Variants in KIAA1217 observed in about 807,000 individuals in gnomAD.
The protein encoded by KIAA1217 is sickle tail protein homolog.
A neutral mutation model predicts 163.9 loss-of-function variants in KIAA1217; 88 were observed. The ratio of observed to expected loss-of-function variants is 0.54; its 90% CI spans 0.45 to 0.64. The LOEUF (loss-of-function observed/expected upper bound fraction) is 0.64, where lower values mean the gene tolerates loss of function less well. KIAA1217 is among the 30% of genes least tolerant of loss of function. KIAA1217 has a pLI of 0.00. For synonymous variants in KIAA1217, 903 were observed against 923.1 expected, an observed-to-expected ratio of 0.98 and a Z score of 0.39; for missense variants, 2,372 against 2,475.0, an observed-to-expected ratio of 0.96 and a Z score of 0.88.
chr10:24,083,248 G>A (rs753150128), intron 2 of KIAA1217, among the ~76,000 whole-genome samples: 12 of 152,224 alleles, frequency 7.9e-5, no homozygotes, highest in Non-Finnish European at 1.3e-4. Context: ...TGTTGCTGCT[G>A]TCTTTTGTGC....
chr10:23,846,518 T>C (rs1444140654), intron 1 of KIAA1217, among the ~76,000 whole-genome samples: 2 of 152,184 alleles, frequency 1.3e-5, no homozygotes, highest in Admixed American at 6.6e-5. Context: ...TCACTCATGA[T>C]TTGGCTCTCT....
intron 1 of KIAA1217, among the ~76,000 whole-genome samples, chr10:23,811,197 T>A (rs1321274511): frequency 1.4e-5 from 2 of 142,856 alleles, no homozygotes; most frequent in Non-Finnish European, 3.0e-5. Flanking sequence ...ATACATATAC[T>A]ATGTATATAG....
intron 2 of KIAA1217, among the ~76,000 whole-genome samples, chr10:24,141,598 A>C (rs973950177): frequency 6.6e-6 from 1 of 152,226 alleles, no homozygotes; most frequent in Admixed American, 6.5e-5. Flanking sequence ...CCTAAGCAGC[A>C]TGCATCAGTC....
In KIAA1217 at chr10:23,868,448, A is replaced by T. The variant is rs192112296; in HGVS notation, c.-320-138777A>T. Among the ~76,000 whole-genome samples the T allele has an allele frequency of 1.5e-3, 232 of 152,212 alleles. 2 individuals are homozygous for T. Among genetic ancestry groups the T allele is most frequent in the African/African-American group, 4.1e-3 (171 of 41,554 alleles). ...AAAGACAGGCAAAGAGATTTGCCAG[A>T]ATCTGTCCTTGCCTGTATAGCTCTT... is the stretch of plus-strand genomic sequence containing the variant. On this transcript the variant is annotated intron_variant, in intron 1 of 18. Coordinates refer to the KIAA1217 transcript ENST00000376462.
At chr10:24,055,787 C>T (rs1849851086) in intron 2 of KIAA1217, among the ~76,000 whole-genome samples, 1 of 151,826 alleles carries the variant, frequency 6.6e-6, no homozygotes, top group Admixed American at 6.6e-5. Flanking sequence ...ATACAACACA[C>T]TAGGAAAATC....
intron 5 of KIAA1217, among the ~76,000 whole-genome samples, chr10:24,458,787 G>A (rs2062057176): frequency 6.6e-6 from 1 of 152,146 alleles, no homozygotes; most frequent in Admixed American, 6.6e-5. Context: ...TCTCTTGGCA[G>A]ATTTAATTGA....
chr10:24,471,472 T>G (rs1041443395), intron 5 of KIAA1217, among the ~76,000 whole-genome samples: 59 of 112,444 alleles, frequency 5.2e-4, no homozygotes, highest in African/African-American at 1.8e-3. Context: ...TCCTGAGTTA[T>G]TTTTTTTTTT....
chr10:24,085,776 C>A (rs1384736781), intron 2 of KIAA1217, among the ~76,000 whole-genome samples: 1 of 152,000 alleles, frequency 6.6e-6, no homozygotes, highest in Non-Finnish European at 1.5e-5. Context: ...AGTTTGAGAG[C>A]AGCCTAGGTA....
rs556869172 is a variant in KIAA1217, at chr10:24,461,104, G to A, written c.847-12124G>A. Among the ~76,000 whole-genome samples, 14 of 152,120 alleles carry A rather than the reference G, an allele frequency of 9.2e-5. No homozygotes were observed. In the South Asian group the frequency reaches 1.0e-3, roughly 11 times the overall value. On this transcript the variant is annotated intron_variant, in intron 5 of 20. Coordinates refer to ENST00000376454, the MANE Select transcript of KIAA1217 (RefSeq NM_019590.5). Reference sequence around the variant, plus strand: ...TGTGTTTACCACCATTTTCTCTCACGGGCTCTGAAAACCATCTATCCTTTA... The same window carrying A: ...TGTGTTTACCACCATTTTCTCTCACAGGCTCTGAAAACCATCTATCCTTTA...
chr10:24,010,085 A>G (rs1847174055), intron 2 of KIAA1217, among the ~76,000 whole-genome samples: 2 of 152,024 alleles, frequency 1.3e-5, no homozygotes, highest in African/African-American at 2.4e-5. Flanking sequence ...CTAAAGAAAC[A>G]TTTTCTCAAA....
intron 2 of KIAA1217, among the ~76,000 whole-genome samples, chr10:24,127,899 T>G (rs1384991441): frequency 6.6e-6 from 1 of 152,188 alleles, no homozygotes; most frequent in Non-Finnish European, 1.5e-5. Context: ...GGAAGCAACA[T>G]GTTAGTAATA....
At chr10:24,174,356 C>A (rs2065770313) in intron 2 of KIAA1217, among the ~76,000 whole-genome samples, 1 of 152,228 alleles carries the variant, frequency 6.6e-6, no homozygotes, top group Non-Finnish European at 1.5e-5. Flanking sequence ...CCACACCAAC[C>A]ACACCAGACC....
chr10:24,351,350 C>A (rs1027056739), intron 2 of KIAA1217, among the ~76,000 whole-genome samples: 3 of 152,186 alleles, frequency 2.0e-5, no homozygotes, highest in Admixed American at 2.0e-4. Flanking sequence ...TTCTTCCCTG[C>A]CCTGGGCTTT....
chr10:23,906,247 A>G (rs1842158473), intron 1 of KIAA1217, among the ~76,000 whole-genome samples: 1 of 148,428 alleles, frequency 6.7e-6, no homozygotes, highest in South Asian at 2.1e-4. Context: ...CATTCAAACC[A>G]TAGGAAGCAC....
rs375965353 is a variant in KIAA1217 at position 24,173,496 on chromosome 10, T to A, written c.-170-46130T>A. 4.9e-4 allele frequency among the ~76,000 whole-genome samples: 75 copies of A among 152,298 alleles called. 1 individual carries two copies. Among genetic ancestry groups the A allele is most frequent in the African/African-American group, 1.8e-3 (74 of 41,576 alleles). On this transcript the variant is annotated intron_variant, in intron 2 of 18. Transcript: ENST00000376462. ...TAAAAATTGTCTCCCATAAAGCTGA[T>A]CTCTGGTGCCAAAAAGGTTGGGGAC...
At chr10:24,107,472 A>G (rs1340057305) in intron 2 of KIAA1217, among the ~76,000 whole-genome samples, 1 of 152,200 alleles carries the variant, frequency 6.6e-6, no homozygotes. Context: ...TGCTTTCCAC[A>G]GTGGCTAAAC....
chr10:23,828,991 G>T (rs528931026), intron 1 of KIAA1217, among the ~76,000 whole-genome samples: 17 of 152,260 alleles, frequency 1.1e-4, no homozygotes, highest in Middle Eastern at 3.4e-3. Flanking sequence ...CAGGAAAAAA[G>T]ATATTACCCT....
chr10:24,519,559 T>C (rs1304570228), intron 10 of KIAA1217, among the ~76,000 whole-genome samples: 3 of 152,112 alleles, frequency 2.0e-5, no homozygotes, highest in Non-Finnish European at 4.4e-5. Context: ...TGTCACAAGC[T>C]GGGGTAGGCA....
At chr10:24,113,075 G>C (rs1027551059) in intron 2 of KIAA1217, among the ~76,000 whole-genome samples, 3 of 152,064 alleles carry the variant, frequency 2.0e-5, no homozygotes, top group Non-Finnish European at 4.4e-5. Flanking sequence ...CCTGATTCCA[G>C]GGTGAGAGAG....
Sources: gnomAD v4.1 joint callset for allele counts (sites outside exome capture counted in the v4.1 genomes callset) on GRCh38, gnomAD v4.1.1 for gene constraint, MANE v1.5 for transcripts, NCBI Gene and HGNC (gene_info 2026-07-23, HGNC 2026-07-21) for gene names.